The following LMLN variants were observed in gnomAD, a reference collection of about 807,000 sequenced individuals.
LMLN encodes the protein leishmanolysin-like peptidase.
A neutral mutation model predicts 92.3 loss-of-function variants in LMLN; 70 were observed. That is an observed-to-expected ratio of 0.76 (90% confidence interval 0.63 to 0.92). The LOEUF (loss-of-function observed/expected upper bound fraction) is 0.92, where lower values mean the gene tolerates loss of function less well. Ranked by LOEUF, LMLN falls within the 40% of genes least tolerant of loss-of-function variation. The pLI is 0.00. For synonymous variants in LMLN, 308 were observed against 296.2 expected, an observed-to-expected ratio of 1.04 and a Z score of -0.41; for missense variants, 691 against 814.6, an observed-to-expected ratio of 0.85 and a Z score of 1.85.
exon 16 of LMLN, chr3:198,040,492 T>A (rs576281716): frequency 1.3e-5 from 2 of 152,446 alleles, no homozygotes; most frequent in African/African-American, 4.8e-5. Flanking sequence ...GCTAATGAAG[T>A]CCTATGGCAT....
intron 15 of LMLN, among the ~76,000 whole-genome samples, chr3:198,037,054 G>A (rs1419200756): frequency 2.0e-5 from 3 of 152,312 alleles, no homozygotes; most frequent in African/African-American, 7.2e-5. Context: ...GGCAGAGGAT[G>A]AGTTTTGGAA....
chr3:197,982,530 GTTC>G (rs999562436), intron 6 of LMLN, among the ~76,000 whole-genome samples: 2 of 152,172 alleles, frequency 1.3e-5, no homozygotes, highest in African/African-American at 4.8e-5. Flanking sequence ...CCGGCCTTAA[GTTC>G]TTCTTTTTCA....
chr3:198,037,366 T>A (rs924988558), intron 15 of LMLN, among the ~76,000 whole-genome samples: 11 of 152,220 alleles, frequency 7.2e-5, no homozygotes, highest in Admixed American at 3.3e-4. Flanking sequence ...TTTTCTGCAG[T>A]TACAATCATA....
At chr3:198,030,975 C>T (rs1034648153) in intron 14 of LMLN, among the ~76,000 whole-genome samples, 21 of 145,390 alleles carry the variant, frequency 1.4e-4, no homozygotes, top group Admixed American at 7.5e-4. Context: ...CCTCAGGGTC[C>T]TCAGCTAGTT....
chr3:197,976,004 CTT>C (rs763582344), intron 3 of LMLN, 23 bp from the exon 4 acceptor site: 94 of 1,083,042 alleles, frequency 8.7e-5, no homozygotes, highest in South Asian at 9.8e-5. Context: ...AATTCTGTTT[CTT>C]TTTTTTTTTA....
At position 198,019,941 on chromosome 3, in the gene LMLN, G is replaced by C. The variant is rs1722735580; in HGVS notation, c.1365+556G>C. ...AGTGGTGAGATCTCAGCTCACTGCAGCCTCCCCTTACCAGATTCAAGCGAT... is the reference window on the plus strand; with the variant it reads ...AGTGGTGAGATCTCAGCTCACTGCACCCTCCCCTTACCAGATTCAAGCGAT... On this transcript the variant is annotated intron_variant, in intron 12 of 15. Coordinates refer to ENST00000330198, the Ensembl canonical transcript of LMLN. The surrounding 1 kb of genome is among the most constrained non-coding windows in gnomAD (Gnocchi z 5.5). 6.6e-6 allele frequency among the ~76,000 whole-genome samples: 1 copy of C among 152,026 alleles called. No individual in the cohort carries two copies. The highest frequency in any genetic ancestry group is 1.5e-5 in the Non-Finnish European group (1 of 67,996).
chr3:198,015,240 AC>A (rs1722596020), intron 11 of LMLN, among the ~76,000 whole-genome samples: 1 of 130,148 alleles, frequency 7.7e-6, no homozygotes, highest in African/African-American at 3.0e-5. Flanking sequence ...ACTTCTCTCC[AC>A]CCTTCAGAGC....
At chr3:197,983,007 G>A (rs889402176) in intron 6 of LMLN, among the ~76,000 whole-genome samples, 1 of 152,164 alleles carries the variant, frequency 6.6e-6, no homozygotes, top group Non-Finnish European at 1.5e-5. Flanking sequence ...GCTGCAGGAA[G>A]CCCCTGAAGA....
chr3:197,980,332 C>T (rs370291786), exon 6 of LMLN: 28 of 1,612,484 alleles, frequency 1.7e-5, no homozygotes, highest in Middle Eastern at 1.7e-4. Context: ...GCAGCAATGC[C>T]GGGTCTACCG....
chr3:198,027,118 C>A (rs1182356255), intron 14 of LMLN, among the ~76,000 whole-genome samples: 1 of 152,032 alleles, frequency 6.6e-6, no homozygotes, highest in African/African-American at 2.4e-5. Context: ...CTTCCTTCAC[C>A]AACAGTGAGA....
At chr3:197,974,472 A>C (rs1721313896) in exon 2 of LMLN, 1 of 1,450,634 alleles carries the variant, frequency 6.9e-7, no homozygotes, top group African/African-American at 1.4e-5. Flanking sequence ...AAAGTGTTGA[A>C]GAGTAAGTAC....
intron 10 of LMLN, among the ~76,000 whole-genome samples, chr3:197,998,974 G>A (rs1033531190): frequency 6.6e-6 from 1 of 152,166 alleles, no homozygotes; most frequent in African/African-American, 2.4e-5. Flanking sequence ...TATTTCTGTA[G>A]CATTTCTGTT....
intron 11 of LMLN, among the ~76,000 whole-genome samples, chr3:198,005,642 T>G (rs892720411): frequency 6.6e-5 from 10 of 150,536 alleles, no homozygotes; most frequent in Admixed American, 2.0e-4. Context: ...CTTTTTCTTT[T>G]TTTTTTTTTT....
At chr3:198,023,004 G>A (rs1306923712) in intron 13 of LMLN, among the ~76,000 whole-genome samples, 1 of 152,142 alleles carries the variant, frequency 6.6e-6, no homozygotes, top group Non-Finnish European at 1.5e-5. Context: ...AGCTGGAGCT[G>A]GCAAACGTTT....
chr3:197,998,650 G>T (rs1339367317), intron 10 of LMLN, among the ~76,000 whole-genome samples: 1 of 152,160 alleles, frequency 6.6e-6, no homozygotes, highest in Non-Finnish European at 1.5e-5. Flanking sequence ...ACTCAGAACT[G>T]TCCAAAGATG....
At chr3:198,021,585 G>A in exon 13 of LMLN, 1 of 1,614,028 alleles carries the variant, frequency 6.2e-7, no homozygotes, top group Non-Finnish European at 8.5e-7. Context: ...TCAGATTGTA[G>A]AATATTGGAA....
intron 1 of LMLN, among the ~76,000 whole-genome samples, chr3:197,968,711 TG>T (rs1721132083): frequency 6.6e-6 from 1 of 152,248 alleles, no homozygotes; most frequent in Non-Finnish European, 1.5e-5. Flanking sequence ...AGGATAATGC[TG>T]GTCTCATAGC....
intron 11 of LMLN, among the ~76,000 whole-genome samples, chr3:198,009,980 T>G (rs1722389896): frequency 6.6e-6 from 1 of 152,190 alleles, no homozygotes; most frequent in Non-Finnish European, 1.5e-5. Flanking sequence ...TATTGGTAAT[T>G]TTGCATGTTC....
At chr3:197,974,297 A>T in intron 1 of LMLN, 80 bp from the exon 2 acceptor site, 2 of 712,846 alleles carry the variant, frequency 2.8e-6, no homozygotes, top group Non-Finnish European at 4.8e-6. Context: ...CTTGAAATTT[A>T]GTTCATTAAT....
Sources: allele counts gnomAD v4.1 joint callset (sites outside exome capture counted in the v4.1 genomes callset), GRCh38; gene constraint gnomAD v4.1.1; non-coding constraint Gnocchi (gnomAD v3.1); transcripts MANE v1.5; gene names NCBI Gene and HGNC (gene_info 2026-07-23, HGNC 2026-07-21).